The following SH3BGRL variants were observed in gnomAD, a reference collection of about 807,000 sequenced individuals.
The protein encoded by SH3BGRL is adapter SH3BGRL.
Under a neutral mutation model 9.8 loss-of-function variants are expected in SH3BGRL, and 7 were observed. The ratio of observed to expected loss-of-function variants is 0.72; its 90% CI spans 0.41 to 1.35. The LOEUF is 1.35. Among genes scored for constraint, SH3BGRL ranks in the 40% most tolerant of loss-of-function variants. The pLI is 0.01. For missense variants in SH3BGRL, 73 were observed against 84.4 expected (o/e 0.86, Z 0.53); for synonymous variants, 36 against 29.1 (o/e 1.24, Z -0.76).
chrX:81,280,737 A>G (rs1396171343), intron 3 of SH3BGRL, among the ~76,000 whole-genome samples: 1 of 111,618 alleles, frequency 9.0e-6, no homozygotes, highest in Non-Finnish European at 1.9e-5. Context: ...GAAAACCAAC[A>G]GTGGTAATAT....
intron 1 of SH3BGRL, among the ~76,000 whole-genome samples, chrX:81,223,077 C>A (rs1225575118): frequency 9.0e-6 from 1 of 111,351 alleles, no homozygotes; most frequent in Non-Finnish European, 1.9e-5. Context: ...GATATTAGCC[C>A]TTTGTCAGAT....
rs187755809 is a variant in SH3BGRL, at chrX:81,263,591, C to T, written c.46-13393C>T. 5.4e-5 allele frequency among the ~76,000 whole-genome samples: 6 copies of T among 111,665 alleles called. No individual in the cohort carries two copies. In the Admixed American group the frequency reaches 5.7e-4, roughly 11 times the overall value. On this transcript the variant is annotated intron_variant, in intron 1 of 3. Coordinates refer to ENST00000373212, the MANE Select transcript of SH3BGRL (RefSeq NM_003022.3). ...TTCTGAATAATCTCATGTATCCAGA[C>T]CTTTCTTGTCTGGAACTTTTCTCTG...
intron 1 of SH3BGRL, 44 bp downstream of exon 1, chrX:81,202,289 C>T: frequency 8.8e-7 from 1 of 1,135,222 alleles, no homozygotes; most frequent in Non-Finnish European, 1.2e-6. Flanking sequence ...TCCTACACAC[C>T]AGTCCTCTGC....
At chrX:81,294,751 G>T (rs755396849) in intron 3 of SH3BGRL, among the ~76,000 whole-genome samples, 1 of 111,761 alleles carries the variant, frequency 8.9e-6, no homozygotes, top group Admixed American at 9.5e-5. Flanking sequence ...TGGCAAAGCT[G>T]CAGACACTCA....
intron 1 of SH3BGRL, 183 bp downstream of exon 1, chrX:81,202,428 T>TA: frequency 9.8e-7 from 1 of 1,019,495 alleles, no homozygotes; most frequent in Non-Finnish European, 1.2e-6. Flanking sequence ...TTTTTTTTTT[T>TA]CCACATAGAG....
chrX:81,277,206 G>A, intron 2 of SH3BGRL, 37 bp downstream of exon 2: 2 of 1,113,609 alleles, frequency 1.8e-6, no homozygotes, highest in Non-Finnish European at 2.5e-6. Flanking sequence ...TATTGTAATA[G>A]ATTGCCCCAA....
chrX:81,232,702 A>AT (rs2075636579), intron 1 of SH3BGRL, among the ~76,000 whole-genome samples: 1 of 110,511 alleles, frequency 9.0e-6, no homozygotes, highest in Non-Finnish European at 1.9e-5. Context: ...CCAGCTGTAC[A>AT]TTTTAATAAA....
At chrX:81,288,468 A>T (rs928600150) in intron 3 of SH3BGRL, among the ~76,000 whole-genome samples, 3 of 111,865 alleles carry the variant, frequency 2.7e-5, no homozygotes, top group Non-Finnish European at 5.6e-5. Flanking sequence ...ACCTAAAGTT[A>T]TCCAAACTCA....
chrX:81,296,818 T>C (rs1199353003), intron 3 of SH3BGRL, among the ~76,000 whole-genome samples: 1 of 111,647 alleles, frequency 9.0e-6, no homozygotes, highest in Non-Finnish European at 1.9e-5. Flanking sequence ...CTAAGTAATT[T>C]AAACCTTAAT....
At chrX:81,257,963 A>G (rs1359749471) in intron 1 of SH3BGRL, among the ~76,000 whole-genome samples, 1 of 111,226 alleles carries the variant, frequency 9.0e-6, no homozygotes, top group Non-Finnish European at 1.9e-5. Flanking sequence ...AATCCCCATA[A>G]TCTCATGATC....
At chrX:81,271,952 TG>T (rs2075781242) in intron 1 of SH3BGRL, among the ~76,000 whole-genome samples, 1 of 110,698 alleles carries the variant, frequency 9.0e-6, no homozygotes. Flanking sequence ...CCCAGCACTT[TG>T]GGAGGCTGAA....
In SH3BGRL at chrX:81,297,476, A is replaced by G. The variant is rs2075879200; in HGVS notation, c.*249A>G. 7.1e-6 allele frequency: 2 copies of G among 282,903 alleles called. No individual in the cohort carries two copies. Among genetic ancestry groups the G allele is most frequent in the Non-Finnish European group, 1.2e-5 (2 of 160,289 alleles). 23.3% of individuals were successfully genotyped at this position (282,903 alleles called of 1,213,427 possible). Reference sequence around the variant, plus strand: ...TAGATATCGTAGAAATAGTGTTGTTACCTGCCAAGCCATCCTGTATACACC... The same window carrying G: ...TAGATATCGTAGAAATAGTGTTGTTGCCTGCCAAGCCATCCTGTATACACC... On this transcript the variant is annotated 3_prime_UTR_variant, in exon 4 of 4. Coordinates refer to ENST00000373212, the MANE Select transcript of SH3BGRL (RefSeq NM_003022.3).
intron 1 of SH3BGRL, among the ~76,000 whole-genome samples, chrX:81,220,031 T>C (rs2075595788): frequency 1.8e-5 from 2 of 111,300 alleles, no homozygotes; most frequent in African/African-American, 6.5e-5. Flanking sequence ...AGTATTTTGT[T>C]GAGTAGTTTT....
intron 1 of SH3BGRL, among the ~76,000 whole-genome samples, chrX:81,271,565 G>T (rs759758224): frequency 4.4e-4 from 49 of 111,544 alleles, no homozygotes; most frequent in Non-Finnish European, 8.1e-4. Flanking sequence ...AAAGAGAAAT[G>T]AACAAAGCCT....
intron 1 of SH3BGRL, among the ~76,000 whole-genome samples, chrX:81,246,865 A>G (rs1279606443): frequency 8.9e-6 from 1 of 112,137 alleles, no homozygotes. Context: ...TTGTAGTTTG[A>G]TAGCAATAAC....
chrX:81,297,358 CA>C lies in SH3BGRL; in HGVS notation c.*134del, dbSNP rs1262427886. On this transcript the variant is annotated 3_prime_UTR_variant, in exon 4 of 4. Coordinates refer to ENST00000373212, the MANE Select transcript of SH3BGRL (RefSeq NM_003022.3). ...AATAGATTAGTTGGGTTTTCACATGCAAACATTCAAAATGAATACAAAATTA... is the reference window on the plus strand; with the variant it reads ...AATAGATTAGTTGGGTTTTCACATGCAACATTCAAAATGAATACAAAATTA... 1 of 484,502 alleles carries C rather than the reference CA, an allele frequency of 2.1e-6. No individual in the cohort carries two copies. Among genetic ancestry groups the C allele is most frequent in the African/African-American group, 2.4e-5 (1 of 41,280 alleles). The allele number at this position is 484,502 out of a possible 1,213,427, so 39.9% of individuals were successfully genotyped here. A position where few individuals can be genotyped will look rare whatever the true frequency, so the allele number is the denominator to read the frequency against.
intron 2 of SH3BGRL, 73 bp from the exon 3 acceptor site, chrX:81,278,258 C>A: frequency 2.6e-6 from 2 of 782,347 alleles, no homozygotes; most frequent in Non-Finnish European, 3.7e-6. Context: ...CCACTGCTTT[C>A]GGCTGAATAA....
chrX:81,240,479 C>T (rs1407499917), intron 1 of SH3BGRL, among the ~76,000 whole-genome samples: 3 of 111,700 alleles, frequency 2.7e-5, no homozygotes, highest in East Asian at 2.8e-4. Context: ...AATAGCGGGG[C>T]GTTAACCAAA....
chrX:81,275,526 C>T (rs1431491721), intron 1 of SH3BGRL, among the ~76,000 whole-genome samples: 1 of 112,045 alleles, frequency 8.9e-6, no homozygotes, highest in Non-Finnish European at 1.9e-5. Context: ...AAATTGAAAC[C>T]ATTGATTTAA....
Sources: allele counts gnomAD v4.1 joint callset (sites outside exome capture counted in the v4.1 genomes callset), GRCh38; gene constraint gnomAD v4.1.1; transcripts MANE v1.5; gene names NCBI Gene and HGNC (gene_info 2026-07-23, HGNC 2026-07-21).